Variants in WAPL observed in about 807,000 individuals in gnomAD.
WAPL encodes WAPL cohesin release factor.
A neutral mutation model predicts 121.0 loss-of-function variants in WAPL; 5 were observed. The ratio of observed to expected loss-of-function variants is 0.04; its 90% CI spans 0.02 to 0.09. The LOEUF (loss-of-function observed/expected upper bound fraction) is 0.09, where lower values mean the gene tolerates loss of function less well. WAPL is among the 10% of genes least tolerant of loss of function. The probability of loss-of-function intolerance (pLI) is 1.00; values close to 1 mark genes in which losing one functional copy is unlikely to be tolerated. For missense variants in WAPL, 999 were observed against 1,410.8 expected, an observed-to-expected ratio of 0.71 and a Z score of 4.68; for synonymous variants, 480 against 481.5, an observed-to-expected ratio of 1.00 and a Z score of 0.04.
chr10:86,461,476 A>G (rs1841273542), intron 9 of WAPL, among the ~76,000 whole-genome samples, 189 bp from the exon 10 acceptor site: 1 of 149,578 alleles, frequency 6.7e-6, no homozygotes, highest in Non-Finnish European at 1.5e-5. Flanking sequence ...CTTTTCATAG[A>G]GAAAATGTGC....
intron 4 of WAPL, among the ~76,000 whole-genome samples, chr10:86,479,309 G>A (rs900988193): frequency 1.3e-5 from 2 of 152,196 alleles, no homozygotes; most frequent in African/African-American, 4.8e-5. Flanking sequence ...CCAGGCTGGA[G>A]TGCAATGGTG....
Position 86,460,389 on chromosome 10 carries a change from C to T in WAPL, c.2580+10G>A. 1 of 1,611,852 alleles carries T rather than the reference C, an allele frequency of 6.2e-7. No homozygotes were observed. Among genetic ancestry groups the T allele is most frequent in the South Asian group, 1.1e-5 (1 of 90,882 alleles). On this transcript the variant is annotated intron_variant, in intron 11 of 18. Coordinates refer to ENST00000298767, the MANE Select transcript of WAPL (RefSeq NM_015045.5). ...TGAATAATTTTTGCCAAATAGTCAT[C>T]CATACTTACACTTTCTAAAACTCGT...
intron 4 of WAPL, among the ~76,000 whole-genome samples, chr10:86,489,037 T>A (rs1841983273): frequency 6.6e-6 from 1 of 152,176 alleles, no homozygotes; most frequent in African/African-American, 2.4e-5. Flanking sequence ...GAAAATGGCA[T>A]CTCCTCTGTA....
At chr10:86,469,019 G>A (rs1184627752) in intron 8 of WAPL, among the ~76,000 whole-genome samples, 2 of 151,916 alleles carry the variant, frequency 1.3e-5, no homozygotes, top group African/African-American at 2.4e-5. Flanking sequence ...CAGGACAATC[G>A]CTTGAACCCG....
At chr10:86,444,861 G>T (rs1175522009) in intron 16 of WAPL, among the ~76,000 whole-genome samples, 1 of 47,032 alleles carries the variant, frequency 2.1e-5, no homozygotes, top group African/African-American at 8.4e-5. Context: ...CTTTTTAAAA[G>T]ACTGCTAAAA....
At position 86,437,960 on chromosome 10, in the gene WAPL, G is replaced by A; in HGVS notation, c.3467C>T (p.Thr1156Ile). 6.2e-7 allele frequency: 1 copy of A among 1,613,906 alleles called. No homozygotes were observed. Among genetic ancestry groups the A allele is most frequent in the South Asian group, 1.1e-5 (1 of 91,050 alleles). ...YLPEGDFSIM[T>I]EMLKKFLSFM... ...ACTCAAAAATTTTTTGAGCATCTCT[G>A]TCATTATTGAAAAGTCTCCTTCTGG... Residue 1156 changes from threonine (T) to isoleucine (I), a missense_variant, in exon 18 of 19, where the codon ACA becomes ATA. By Grantham distance (89) the Thr-to-Ile change is moderately conservative. Around this residue, in one of 7 missense-constraint regions of WAPL, gnomAD observed 35 missense variants for 80.3 expected, o/e 0.44. Coordinates refer to ENST00000298767, the MANE Select transcript of WAPL (RefSeq NM_015045.5).
At chr10:86,512,749 T>C (rs977352066) in intron 2 of WAPL, among the ~76,000 whole-genome samples, 2 of 152,180 alleles carry the variant, frequency 1.3e-5, no homozygotes, top group Non-Finnish European at 2.9e-5. Flanking sequence ...AGCTTTAAAA[T>C]CCAGGGAGTA....
At chr10:86,514,942 A>C (rs1380127818) in intron 2 of WAPL, among the ~76,000 whole-genome samples, 1 of 152,116 alleles carries the variant, frequency 6.6e-6, no homozygotes, top group East Asian at 1.9e-4. Flanking sequence ...CACCCACCCC[A>C]CACTGTAGAT....
intron 4 of WAPL, among the ~76,000 whole-genome samples, chr10:86,492,598 C>G (rs886529579): frequency 1.3e-5 from 2 of 152,104 alleles, no homozygotes; most frequent in African/African-American, 4.8e-5. Context: ...GCCTCCCCAC[C>G]GCCCCCCACC....
chr10:86,439,205 G>A (rs1849402268), intron 17 of WAPL, among the ~76,000 whole-genome samples: 3 of 152,154 alleles, frequency 2.0e-5, no homozygotes, highest in South Asian at 2.1e-4. Flanking sequence ...CAGGGTACTC[G>A]CAAAATTAGA....
chr10:86,454,140 T>C (rs181939660), intron 12 of WAPL, among the ~76,000 whole-genome samples: 28 of 152,336 alleles, frequency 1.8e-4, no homozygotes, highest in African/African-American at 6.3e-4. Context: ...ACAGCTAATG[T>C]TGGACACTTC....
intron 15 of WAPL, among the ~76,000 whole-genome samples, chr10:86,447,594 T>C (rs1849654838): frequency 6.9e-6 from 1 of 145,400 alleles, no homozygotes; most frequent in African/African-American, 2.5e-5. Flanking sequence ...GGGACTCTTA[T>C]AAAAAAAAAA....
intron 12 of WAPL, among the ~76,000 whole-genome samples, chr10:86,454,766 G>A (rs927215033): frequency 7.9e-5 from 12 of 151,136 alleles, no homozygotes; most frequent in Non-Finnish European, 1.2e-4. Context: ...CTTCCCAGCC[G>A]CCATCCCGTC....
At chr10:86,514,248 TCC>T (rs1176005881) in intron 2 of WAPL, among the ~76,000 whole-genome samples, 1 of 152,072 alleles carries the variant, frequency 6.6e-6, no homozygotes, top group East Asian at 1.9e-4. Context: ...TACAAAAGCA[TCC>T]CCACAACTAT....
rs368098376 is a variant in WAPL, at chr10:86,453,725, C to A, written c.2764G>T (p.Val922Leu). Residue 922 changes from valine (V) to leucine (L), a missense_variant, in exon 13 of 19, where the codon GTA (valine) becomes TTA (leucine). By Grantham distance (32) the Val-to-Leu change is conservative. Coordinates refer to ENST00000298767, the MANE Select transcript of WAPL (RefSeq NM_015045.5). Reference protein sequence around the residue: ...PLPHQNVTNHVGKAVEDCMRA... With the variant: ...PLPHQNVTNHLGKAVEDCMRA... ...ATGCAGTCCTCCACTGCTTTGCCTACATGGTTAGTTACATTCTGGTGAGGC... is the reference window on the plus strand; with the variant it reads ...ATGCAGTCCTCCACTGCTTTGCCTAAATGGTTAGTTACATTCTGGTGAGGC... The A allele has an allele frequency of 2.9e-4, 473 of 1,614,046 alleles. No homozygotes were observed. The highest frequency in any genetic ancestry group is 3.7e-4 in the Non-Finnish European group (433 of 1,180,028).
intron 4 of WAPL, among the ~76,000 whole-genome samples, chr10:86,474,961 C>T (rs74150319): frequency 0.056 from 8,537 of 152,208 alleles, 263 homozygotes; most frequent in African/African-American, 0.072. Context: ...ACCACATATT[C>T]CAAGACACAG....
intron 4 of WAPL, 114 bp from the exon 5 acceptor site, chr10:86,474,087 A>G: frequency 1.3e-6 from 1 of 793,864 alleles, no homozygotes; most frequent in Non-Finnish European, 2.1e-6. Context: ...CAGGATGGAT[A>G]CTATCTGGGA....
In WAPL at chr10:86,435,545, G is replaced by T. The variant is rs1040606992; in HGVS notation, c.*1998C>A. On this transcript the variant is annotated 3_prime_UTR_variant, in exon 19 of 19. Coordinates refer to ENST00000298767, the MANE Select transcript of WAPL (RefSeq NM_015045.5). ...CCCTAAAATGCAGAGTTCTCTGAGG[G>T]TTAAAAACACACAAATGCACTGCAG... 2.0e-5 allele frequency: 3 copies of T among 152,540 alleles called. No individual in the cohort carries two copies. The highest frequency in any genetic ancestry group is 4.8e-5 in the African/African-American group (2 of 41,416). The allele number at this position is 152,540 out of a possible 1,614,324, so 9.4% of individuals were successfully genotyped here.
At chr10:86,461,946 T>C (rs912468146) in intron 9 of WAPL, among the ~76,000 whole-genome samples, 1 of 152,210 alleles carries the variant, frequency 6.6e-6, no homozygotes, top group African/African-American at 2.4e-5. Context: ...GCAGACTGAC[T>C]AGTTTTTAAA....
Sources: allele counts gnomAD v4.1 joint callset (sites outside exome capture counted in the v4.1 genomes callset), GRCh38; gene constraint gnomAD v4.1.1; regional missense constraint gnomAD v4.1.1; transcripts MANE v1.5; gene names NCBI Gene and HGNC (gene_info 2026-07-23, HGNC 2026-07-21).